The following CACNA1B variants were observed in gnomAD, a reference collection of about 807,000 sequenced individuals.
The protein encoded by CACNA1B is calcium voltage-gated channel subunit alpha1 B.
CACNA1B carries 70 observed loss-of-function variants against 247.2 expected under a neutral mutation model. The observed-to-expected ratio is 0.28, with a 90% CI of 0.23 to 0.35. The LOEUF (loss-of-function observed/expected upper bound fraction) is 0.35. Ranked by LOEUF, CACNA1B falls within the 10% of genes least tolerant of loss-of-function variation. The pLI is 1.00. For missense variants in CACNA1B, 2,367 were observed against 3,197.4 expected (o/e 0.74, Z 6.26); for synonymous variants, 1,231 against 1,294.4 (o/e 0.95, Z 1.05).
chr9:138,049,150 T>G, intron 23 of CACNA1B, 59 bp from the exon 24 acceptor site: 1 of 1,129,790 alleles, frequency 8.9e-7, no homozygotes, highest in Admixed American at 1.7e-5. Context: ...CCTCTGCACC[T>G]GGCCTCTGCC....
intron 10 of CACNA1B, among the ~76,000 whole-genome samples, chr9:137,959,704 T>C (rs1957988622): frequency 6.6e-6 from 1 of 152,226 alleles, no homozygotes; most frequent in Non-Finnish European, 1.5e-5. Context: ...GCGATTCTCT[T>C]AACCTCGCCT....
At chr9:137,940,295 T>C (rs955838949) in intron 6 of CACNA1B, among the ~76,000 whole-genome samples, 1 of 152,166 alleles carries the variant, frequency 6.6e-6, no homozygotes, top group Non-Finnish European at 1.5e-5. Context: ...TGAACACCTT[T>C]ACCCATGTAA....
intron 6 of CACNA1B, among the ~76,000 whole-genome samples, chr9:137,949,943 A>G (rs1957860433): frequency 6.6e-6 from 1 of 152,178 alleles, no homozygotes; most frequent in Non-Finnish European, 1.5e-5. Context: ...ACAGCATCTA[A>G]GAAATTGGTG....
rs527330176 is a variant in CACNA1B at position 137,887,962 on chromosome 9, T to C, written c.530+5079T>C. On this transcript the variant is annotated intron_variant, in intron 3 of 46. Coordinates refer to ENST00000371372, the MANE Select transcript of CACNA1B (RefSeq NM_000718.4). ...AGTGTGTCCTTCCACTGGGGTGGGG[T>C]GGCCCCTGGGGAGCAGCTCCAGCAG... Among the ~76,000 whole-genome samples the C allele has an allele frequency of 2.2e-4, 31 of 141,824 alleles. No homozygotes were observed. In the South Asian group the frequency reaches 6.8e-3, roughly 31 times the overall value. The allele number at this position is 141,824 out of a possible 152,430, so 93.0% of individuals were successfully genotyped here.
At chr9:138,033,130 C>T (rs1959004881) in intron 20 of CACNA1B, among the ~76,000 whole-genome samples, 1 of 152,168 alleles carries the variant, frequency 6.6e-6, no homozygotes, top group Non-Finnish European at 1.5e-5. Context: ...TCTTCCAGTT[C>T]ACTGACTCTT....
chr9:138,065,284 T>C (rs183657960), intron 31 of CACNA1B, among the ~76,000 whole-genome samples: 1 of 152,148 alleles, frequency 6.6e-6, no homozygotes, highest in East Asian at 1.9e-4. Context: ...CCTTTTTTTC[T>C]CACTCAGCAG....
chr9:138,023,320 G>A lies in CACNA1B; in HGVS notation c.2577G>A (p.Lys859=), dbSNP rs779938095. The A allele has an allele frequency of 6.0e-6, 9 of 1,505,586 alleles. 1 individual carries two copies. The Admixed American group carries it at 8.3e-5, about 14-fold the overall frequency. 93.3% of individuals were successfully genotyped at this position (1,505,586 alleles called of 1,614,324 possible). The stretch of plus-strand genomic sequence containing the variant: ...ACCACCGGCACCGCGACAAGGACAA[G>A]ACCCCCGCGGCGGGGGACCAGGACC... ...RRHHRHRDKD[K]TPAAGDQDRA... is the part of the protein sequence containing the mutation. Residue 859 remains lysine, a synonymous_variant, in exon 19 of 47, where the codon AAG becomes AAA. Transcript: ENST00000371372.
rs1334116530 is a variant in CACNA1B at position 138,020,907 on chromosome 9, G to A, written c.2268-2104G>A. On this transcript the variant is annotated intron_variant, in intron 18 of 46. Transcript: ENST00000371372. The surrounding 1 kb of genome is among the most constrained non-coding windows in gnomAD (Gnocchi z 4.1). ...CCTGTGCCTCTGCATGTTCCCCATG[G>A]TCCTCACTGCCTGTCTTTTTGGAAC... Among the ~76,000 whole-genome samples the A allele has an allele frequency of 1.3e-5, 2 of 152,132 alleles. No homozygotes were observed. Among genetic ancestry groups the A allele is most frequent in the South Asian group, 4.1e-4 (2 of 4,826 alleles).
intron 15 of CACNA1B, among the ~76,000 whole-genome samples, chr9:137,988,767 C>T (rs779310005): frequency 2.0e-5 from 3 of 152,066 alleles, no homozygotes; most frequent in Admixed American, 6.6e-5. Flanking sequence ...GCTCAGCCCC[C>T]TCTGAGCACT....
At chr9:138,103,766 C>G (rs1961333177) in intron 38 of CACNA1B, among the ~76,000 whole-genome samples, 1 of 152,232 alleles carries the variant, frequency 6.6e-6, no homozygotes, top group Non-Finnish European at 1.5e-5. Context: ...GGAAGACTTT[C>G]CTGAGTCTGT....
chr9:137,962,181 T>C (rs1338230424), intron 10 of CACNA1B, among the ~76,000 whole-genome samples: 1 of 152,170 alleles, frequency 6.6e-6, no homozygotes, highest in African/African-American at 2.4e-5. Context: ...GTGTTTATAG[T>C]ATTCTCTGAT....
chr9:137,931,484 C>T lies in CACNA1B; in HGVS notation c.966+14053C>T, dbSNP rs370813123. On this transcript the variant is annotated intron_variant, in intron 6 of 46. Transcript: ENST00000371372. Reference sequence around the variant, plus strand: ...TTGGATGTGGAGAGGTGGAGTTTTCCTTTTGATTTAGTTCTAGGAAGTCAG... The same window carrying T: ...TTGGATGTGGAGAGGTGGAGTTTTCTTTTTGATTTAGTTCTAGGAAGTCAG... Among the ~76,000 whole-genome samples, 30 of 152,122 alleles carry T rather than the reference C, an allele frequency of 2.0e-4. No homozygotes were observed. In the East Asian group the frequency reaches 2.1e-3, roughly 11 times the overall value.
At chr9:138,116,730 A>G (rs776435583) in intron 42 of CACNA1B, among the ~76,000 whole-genome samples, 5 of 152,204 alleles carry the variant, frequency 3.3e-5, no homozygotes, top group Non-Finnish European at 7.3e-5. Context: ...CGGGTTGAGC[A>G]CACCTCTGGC....
At chr9:137,893,090 G>A (rs1448577606) in intron 3 of CACNA1B, among the ~76,000 whole-genome samples, 1 of 152,304 alleles carries the variant, frequency 6.6e-6, no homozygotes, top group Admixed American at 6.5e-5. Flanking sequence ...CCTCCCAGGA[G>A]GTGCCTTTAC....
intron 10 of CACNA1B, among the ~76,000 whole-genome samples, chr9:137,968,978 C>T (rs1249086945): frequency 6.6e-6 from 1 of 152,254 alleles, no homozygotes; most frequent in Non-Finnish European, 1.5e-5. Context: ...AGCCCAGTCT[C>T]TCTTGGTTTT....
Position 137,912,271 on chromosome 9 carries a change from ATC to A in CACNA1B, c.531-905_531-904del, listed in dbSNP as rs1258134190. ...GAGCCTTGGGGCACCCTCGTTTTGA[ATC>A]TCTGGCAGAGAAGGCAAAGCTGGCA... On this transcript the variant is annotated intron_variant, in intron 3 of 46. Coordinates refer to ENST00000371372, the MANE Select transcript of CACNA1B (RefSeq NM_000718.4). Among the ~76,000 whole-genome samples the A allele has an allele frequency of 6.6e-5, 10 of 152,336 alleles. No individual in the cohort carries two copies. The East Asian group carries it at 1.9e-3, about 29-fold the overall frequency.
At chr9:138,082,365 C>G (rs904431280) in intron 36 of CACNA1B, among the ~76,000 whole-genome samples, 2 of 151,338 alleles carry the variant, frequency 1.3e-5, no homozygotes, top group African/African-American at 2.4e-5. Context: ...TGAGTAGGCT[C>G]AGAGACTCCA....
intron 15 of CACNA1B, among the ~76,000 whole-genome samples, chr9:138,004,804 C>T (rs1427263070): frequency 6.6e-6 from 1 of 152,024 alleles, no homozygotes; most frequent in African/African-American, 2.4e-5. Flanking sequence ...AACAAATAAT[C>T]ACATTTAAAA....
chr9:138,067,199 T>A (rs1036331073), intron 31 of CACNA1B, among the ~76,000 whole-genome samples: 1 of 152,210 alleles, frequency 6.6e-6, no homozygotes, highest in African/African-American at 2.4e-5. Context: ...CCTAAATGGT[T>A]CTTTATTAAA....
Sources: gnomAD v4.1 joint callset for allele counts (sites outside exome capture counted in the v4.1 genomes callset) on GRCh38, gnomAD v4.1.1 for gene constraint, Gnocchi (gnomAD v3.1) non-coding constraint, MANE v1.5 for transcripts, NCBI Gene and HGNC (gene_info 2026-07-23, HGNC 2026-07-21) for gene names.